Variants in PEPD observed in about 807,000 individuals in gnomAD.
The protein encoded by PEPD is peptidase D.
PEPD carries 53 observed loss-of-function variants against 60.7 expected under a neutral mutation model. That is an observed-to-expected ratio of 0.87 (90% CI 0.70 to 1.10). PEPD has a LOEUF of 1.10. Ranked by LOEUF, PEPD falls within the 50% of genes least tolerant of loss-of-function variation. PEPD has a pLI of 0.00. For synonymous variants in PEPD, 267 were observed against 284.1 expected (o/e 0.94, Z 0.60); for missense variants, 711 against 711.9 (o/e 1.00, Z 0.01).
At chr19:33,512,491 GC>G in intron 2 of PEPD, 101 bp downstream of exon 2, 1 of 1,113,880 alleles carries the variant, frequency 9.0e-7, no homozygotes, top group South Asian at 1.3e-5. Flanking sequence ...CTCAGGGAGG[GC>G]CACAAGGGGC....
intron 9 of PEPD, among the ~76,000 whole-genome samples, chr19:33,440,945 T>A (rs1969470045): frequency 6.6e-6 from 1 of 152,182 alleles, no homozygotes; most frequent in African/African-American, 2.4e-5. Context: ...GCAGCCTGAC[T>A]TCCCAGGATG....
At position 33,511,017 on chromosome 19, in the gene PEPD, C is replaced by A; in HGVS notation, c.329+11G>T. The A allele has an allele frequency of 6.2e-7, 1 of 1,611,702 alleles. No homozygotes were observed. Among genetic ancestry groups the A allele is most frequent in the Non-Finnish European group, 8.5e-7 (1 of 1,179,096 alleles). On this transcript the variant is annotated intron_variant, in intron 3 of 14. Coordinates refer to ENST00000244137, the MANE Select transcript of PEPD (RefSeq NM_000285.4). ...TGGTAGCCATGGTGCCCTGGCCAGG[C>A]TGCTCCTTACTTTCCCATCCAGGTG... is the stretch of plus-strand genomic sequence containing the variant.
At chr19:33,399,978 G>T (rs1319075520) in intron 12 of PEPD, among the ~76,000 whole-genome samples, 1 of 152,146 alleles carries the variant, frequency 6.6e-6, no homozygotes, top group African/African-American at 2.4e-5. Flanking sequence ...AGGCGGCAGA[G>T]CTGGGGCTGG....
intron 10 of PEPD, among the ~76,000 whole-genome samples, chr19:33,412,406 A>G (rs972186614): frequency 3.3e-5 from 5 of 152,176 alleles, no homozygotes; most frequent in Non-Finnish European, 7.3e-5. Context: ...GAAGGGCCCT[A>G]CGGAACCCCT....
intron 9 of PEPD, among the ~76,000 whole-genome samples, chr19:33,424,081 G>C (rs1969092464): frequency 6.6e-6 from 1 of 152,216 alleles, no homozygotes; most frequent in Non-Finnish European, 1.5e-5. Context: ...GGGTGGTTGG[G>C]GGCTGCGCCT....
chr19:33,400,168 G>A (rs528991789), intron 12 of PEPD, among the ~76,000 whole-genome samples: 1 of 152,304 alleles, frequency 6.6e-6, no homozygotes, highest in South Asian at 2.1e-4. Context: ...GTGGGTGAGA[G>A]GCAGTGGGCG....
At chr19:33,413,058 C>T (rs1263131550) in intron 10 of PEPD, among the ~76,000 whole-genome samples, 4 of 152,260 alleles carry the variant, frequency 2.6e-5, no homozygotes, top group Non-Finnish European at 5.9e-5. Flanking sequence ...TGCCCCTCGG[C>T]ACCATGTGCC....
At chr19:33,413,728 C>T in intron 9 of PEPD, 85 bp from the exon 10 acceptor site, 1 of 823,060 alleles carries the variant, frequency 1.2e-6, no homozygotes, top group Non-Finnish European at 2.0e-6. Context: ...AAGGGAAGGC[C>T]CTCGGCCCAT....
chr19:33,418,021 T>C (rs570692533), intron 9 of PEPD, among the ~76,000 whole-genome samples: 3 of 152,296 alleles, frequency 2.0e-5, no homozygotes, highest in South Asian at 4.1e-4. Flanking sequence ...AGGGGGCCTG[T>C]GCCCACCATC....
chr19:33,499,534 G>A (rs559831407), intron 4 of PEPD, among the ~76,000 whole-genome samples: 8 of 151,990 alleles, frequency 5.3e-5, no homozygotes, highest in Non-Finnish European at 1.2e-4. Flanking sequence ...CAAGAGGAAC[G>A]TCTGGGGAAA....
At chr19:33,472,546 C>CA (rs545213491) in intron 7 of PEPD, among the ~76,000 whole-genome samples, 1,680 of 152,282 alleles carry the variant, frequency 0.011, 26 homozygotes, top group South Asian at 0.071. Context: ...CCAAAAATCA[C>CA]AAAAAGTAGA....
At chr19:33,428,927 G>A (rs552504413) in intron 9 of PEPD, among the ~76,000 whole-genome samples, 11 of 152,306 alleles carry the variant, frequency 7.2e-5, no homozygotes, top group African/African-American at 2.6e-4. Flanking sequence ...CACATCCACA[G>A]GCAGCCGAAA....
At chr19:33,406,634 C>T (rs897751690) in intron 11 of PEPD, among the ~76,000 whole-genome samples, 1 of 152,120 alleles carries the variant, frequency 6.6e-6, no homozygotes, top group Admixed American at 6.6e-5. Flanking sequence ...AAGCATTGGG[C>T]CCCAGGTGGA....
chr19:33,432,338 G>A lies in PEPD; in HGVS notation c.672-18695C>T, dbSNP rs570246235. Among the ~76,000 whole-genome samples the A allele has an allele frequency of 4.6e-5, 7 of 152,348 alleles. No homozygotes were observed. The East Asian group carries it at 1.4e-3, about 29-fold the overall frequency. ...GGTATCCCTTTTGCACAGGGAGCTA[G>A]AGAAGTCAGAGACTGGTTGGAAAAC... On this transcript the variant is annotated intron_variant, in intron 9 of 14. Transcript: ENST00000244137.
intron 4 of PEPD, among the ~76,000 whole-genome samples, chr19:33,494,964 C>T (rs1970571938): frequency 6.6e-6 from 1 of 152,016 alleles, no homozygotes; most frequent in Non-Finnish European, 1.5e-5. Flanking sequence ...GAAACCCCAT[C>T]TCTATTAAAA....
At chr19:33,467,236 G>A (rs547498423) in intron 7 of PEPD, among the ~76,000 whole-genome samples, 21 of 148,486 alleles carry the variant, frequency 1.4e-4, no homozygotes, top group African/African-American at 4.4e-4. Flanking sequence ...CCTCTTGAGG[G>A]AGGCCCTGGG....
intron 6 of PEPD, among the ~76,000 whole-genome samples, 178 bp downstream of exon 6, chr19:33,489,818 A>G (rs1970463997): frequency 6.6e-6 from 1 of 152,140 alleles, no homozygotes; most frequent in South Asian, 2.1e-4. Flanking sequence ...CCTTTCCTTC[A>G]AGAAAAATCA....
chr19:33,521,602 G>T, intron 1 of PEPD, 142 bp downstream of exon 1: 1 of 910,966 alleles, frequency 1.1e-6, no homozygotes, highest in Non-Finnish European at 1.7e-6. Flanking sequence ...GCCGACCGGC[G>T]CTGGGACTCC....
intron 3 of PEPD, among the ~76,000 whole-genome samples, chr19:33,507,623 G>A (rs1970838143): frequency 6.6e-6 from 1 of 152,204 alleles, no homozygotes; most frequent in Admixed American, 6.5e-5. Flanking sequence ...AAAGGAAGCT[G>A]AGGAGCTGAA....
Sources: allele counts gnomAD v4.1 joint callset (sites outside exome capture counted in the v4.1 genomes callset), GRCh38; gene constraint gnomAD v4.1.1; transcripts MANE v1.5; gene names NCBI Gene and HGNC (gene_info 2026-07-23, HGNC 2026-07-21).